NLGN1: variants seen among roughly 807,000 people sequenced by gnomAD.
NLGN1 encodes the protein neuroligin 1.
In NLGN1, 12 loss-of-function variants were observed where a neutral mutation model predicts 65.5. That is an observed-to-expected ratio of 0.18 (90% confidence interval 0.12 to 0.30). The LOEUF (loss-of-function observed/expected upper bound fraction) is 0.30. Ranked by LOEUF, NLGN1 falls within the 10% of genes least tolerant of loss-of-function variation. The probability of loss-of-function intolerance (pLI) is 1.00; values close to 1 mark genes in which losing one functional copy is unlikely to be tolerated. For missense variants in NLGN1, 750 were observed against 1,007.1 expected, an observed-to-expected ratio of 0.74 and a Z score of 3.46; for synonymous variants, 350 against 359.5, an observed-to-expected ratio of 0.97 and a Z score of 0.30.
intron 2 of NLGN1, among the ~76,000 whole-genome samples, chr3:173,474,318 C>T (rs180980323): frequency 5.9e-5 from 9 of 152,084 alleles, no homozygotes; most frequent in African/African-American, 7.2e-5. Context: ...GAAAGTAAAC[C>T]GGAATTAACA....
chr3:173,987,813 T>C (rs1475362235), intron 4 of NLGN1, among the ~76,000 whole-genome samples: 1 of 152,190 alleles, frequency 6.6e-6, no homozygotes, highest in African/African-American at 2.4e-5. Context: ...CTTTTTGGCA[T>C]TTTTCGGTAA....
At chr3:174,098,682 TCA>T (rs1395194816) in intron 4 of NLGN1, among the ~76,000 whole-genome samples, 2 of 152,170 alleles carry the variant, frequency 1.3e-5, no homozygotes, top group Non-Finnish European at 2.9e-5. Flanking sequence ...TTTAATCAGT[TCA>T]GTGTTAGGCC....
intron 1 of NLGN1, among the ~76,000 whole-genome samples, chr3:173,426,249 CTAAGTA>C (rs1716080495): frequency 2.6e-5 from 4 of 152,004 alleles, no homozygotes; most frequent in Non-Finnish European, 5.9e-5. Flanking sequence ...CTAGGTTTTT[CTAAGTA>C]TAAGATTATG....
At chr3:174,034,041 TA>T (rs1229318524) in intron 4 of NLGN1, among the ~76,000 whole-genome samples, 1 of 151,764 alleles carries the variant, frequency 6.6e-6, no homozygotes, top group Non-Finnish European at 1.5e-5. Context: ...AAACCAAAGA[TA>T]AAGACAAAAT....
chr3:173,638,191 ATT>A (rs879275103), intron 3 of NLGN1, among the ~76,000 whole-genome samples: 3 of 144,754 alleles, frequency 2.1e-5, no homozygotes, highest in African/African-American at 2.5e-5. Context: ...CATTTGTTAG[ATT>A]TTTTTTTTTT....
intron 1 of NLGN1, among the ~76,000 whole-genome samples, chr3:173,424,446 C>T (rs562886154): frequency 5.9e-5 from 9 of 152,330 alleles, no homozygotes; most frequent in Non-Finnish European, 1.2e-4. Flanking sequence ...CCTTTATACT[C>T]TGCTTCCCTT....
chr3:173,408,116 A>C lies in NLGN1; in HGVS notation c.-390+9629A>C, dbSNP rs139335897. Among the ~76,000 whole-genome samples the C allele has an allele frequency of 2.7e-3, 416 of 152,214 alleles. 3 individuals are homozygous for C. The highest frequency in any genetic ancestry group is 9.4e-3 in the African/African-American group (389 of 41,538). On this transcript the variant is annotated intron_variant, in intron 1 of 6. Transcript: ENST00000457714. ...AGTCTCGCTCTGTTGCCCAGGCTGG[A>C]GTGCAGTGGCACAATCCTGCCTACA...
chr3:173,895,384 G>A lies in NLGN1; in HGVS notation c.646+87552G>A, dbSNP rs927881535. Among the ~76,000 whole-genome samples the A allele has an allele frequency of 2.8e-3, 427 of 152,154 alleles. 8 individuals are homozygous for A. Among genetic ancestry groups the A allele is most frequent in the Non-Finnish European group, 1.8e-4 (12 of 68,026 alleles). ...TGATGATCTCTACCAGGATTGCCCG[G>A]AAAGGAAAGCAATGAAACTAAAACT... On this transcript the variant is annotated intron_variant, in intron 4 of 6. Transcript: ENST00000457714.
chr3:173,477,247 G>T (rs1187418441), intron 2 of NLGN1, among the ~76,000 whole-genome samples: 1 of 152,082 alleles, frequency 6.6e-6, no homozygotes, highest in East Asian at 1.9e-4. Context: ...ATGAGGTCAA[G>T]AATGAAACCC....
At chr3:174,103,835 T>C (rs998821199) in intron 4 of NLGN1, among the ~76,000 whole-genome samples, 40 of 152,194 alleles carry the variant, frequency 2.6e-4, no homozygotes, top group African/African-American at 9.4e-4. Context: ...TTTAGGAAAA[T>C]GGCCAGAGCA....
intron 2 of NLGN1, among the ~76,000 whole-genome samples, chr3:173,524,823 A>G (rs995630053): frequency 4.6e-5 from 7 of 152,114 alleles, no homozygotes; most frequent in African/African-American, 1.4e-4. Flanking sequence ...TGAGATGATT[A>G]TATAGTTTTG....
chr3:173,624,075 CTGTTGATAGAGTT>C (rs1754442679), intron 3 of NLGN1, among the ~76,000 whole-genome samples: 1 of 152,090 alleles, frequency 6.6e-6, no homozygotes, highest in Non-Finnish European at 1.5e-5. Flanking sequence ...AACAGGTCAG[CTGTTGATAGAGTT>C]CTTGACCCAA....
chr3:173,933,232 A>G (rs1744437404), intron 4 of NLGN1, among the ~76,000 whole-genome samples: 1 of 152,172 alleles, frequency 6.6e-6, no homozygotes, highest in African/African-American at 2.4e-5. Context: ...GAAACACTAG[A>G]AGCTCAGAGA....
chr3:173,889,733 G>A (rs903266567), intron 4 of NLGN1, among the ~76,000 whole-genome samples: 3 of 152,138 alleles, frequency 2.0e-5, no homozygotes, highest in African/African-American at 7.2e-5. Context: ...GCCAACAGCA[G>A]TAATAAGGAC....
chr3:173,776,590 A>G (rs1780332024), intron 3 of NLGN1, among the ~76,000 whole-genome samples: 1 of 151,988 alleles, frequency 6.6e-6, no homozygotes, highest in African/African-American at 2.4e-5. Context: ...GTCCCTTAGA[A>G]TTGCCTTTGC....
At chr3:173,587,913 G>A (rs1373168051) in intron 2 of NLGN1, among the ~76,000 whole-genome samples, 1 of 152,046 alleles carries the variant, frequency 6.6e-6, no homozygotes, top group African/African-American at 2.4e-5. Context: ...CTATGATTTT[G>A]AGATGATTAA....
At chr3:173,735,249 G>A (rs1773556672) in intron 3 of NLGN1, among the ~76,000 whole-genome samples, 1 of 152,090 alleles carries the variant, frequency 6.6e-6, no homozygotes, top group African/African-American at 2.4e-5. Flanking sequence ...CAAAGTTCTA[G>A]CAATATTTAG....
intron 4 of NLGN1, among the ~76,000 whole-genome samples, chr3:174,184,221 CATT>C (rs1460805600): frequency 6.6e-6 from 1 of 151,956 alleles, no homozygotes; most frequent in African/African-American, 2.4e-5. Flanking sequence ...AGACCATCAA[CATT>C]ATTGTTACTC....
chr3:174,272,949 T>C (rs904302691), intron 4 of NLGN1, among the ~76,000 whole-genome samples: 5 of 151,816 alleles, frequency 3.3e-5, no homozygotes, highest in African/African-American at 1.2e-4. Context: ...CTTGAATATA[T>C]TACAAGACTT....
Sources: allele counts gnomAD v4.1 joint callset (sites outside exome capture counted in the v4.1 genomes callset), GRCh38; gene constraint gnomAD v4.1.1; transcripts MANE v1.5; gene names NCBI Gene and HGNC (gene_info 2026-07-23, HGNC 2026-07-21).